The following CSMD3 variants were observed in gnomAD, a reference collection of about 807,000 sequenced individuals.
CSMD3 encodes CUB and sushi domain-containing protein 3.
CSMD3 carries 177 observed loss-of-function variants against 435.2 expected under a neutral mutation model. That is an observed-to-expected ratio of 0.41 (90% CI 0.36 to 0.46). The LOEUF (loss-of-function observed/expected upper bound fraction) is 0.46, where lower values mean the gene tolerates loss of function less well. CSMD3 is among the 20% of genes least tolerant of loss of function. The probability of loss-of-function intolerance (pLI) is 0.34; values close to 1 mark genes in which losing one functional copy is unlikely to be tolerated. For missense variants in CSMD3, 4,265 were observed against 4,504.6 expected (o/e 0.95, Z 1.52); for synonymous variants, 1,656 against 1,520.5 (o/e 1.09, Z -2.07).
At chr8:112,778,254 A>G (rs532378755) in intron 13 of CSMD3, among the ~76,000 whole-genome samples, 107 of 152,046 alleles carry the variant, frequency 7.0e-4, no homozygotes, top group Non-Finnish European at 1.2e-3. Flanking sequence ...ATTAGAATTC[A>G]GGCTTGGTGT....
chr8:113,059,611 G>A (rs896322988), intron 5 of CSMD3, among the ~76,000 whole-genome samples: 2 of 152,154 alleles, frequency 1.3e-5, no homozygotes, highest in Admixed American at 6.6e-5. Flanking sequence ...AATTTGAAAA[G>A]TGGCTTAAAT....
intron 13 of CSMD3, among the ~76,000 whole-genome samples, chr8:112,763,625 T>G (rs2077898925): frequency 6.7e-6 from 1 of 148,768 alleles, no homozygotes; most frequent in Non-Finnish European, 1.5e-5. Context: ...CTTCTATTTT[T>G]ATTCCTATGA....
intron 32 of CSMD3, among the ~76,000 whole-genome samples, chr8:112,418,334 C>T (rs996638599): frequency 6.6e-6 from 1 of 152,008 alleles, no homozygotes; most frequent in South Asian, 2.1e-4. Flanking sequence ...ATACATGTGT[C>T]GTATTTTCAT....
Position 112,263,632 on chromosome 8 carries a change from T to C in CSMD3, c.9862+7A>G, listed in dbSNP as rs765687145. ...AAGTAACAGTTGTTAGTAGAAATCA[T>C]ACTTACGTAAGCACTGCGGTACTTC... On this transcript the variant is annotated splice_region_variant and intron_variant, in intron 61 of 70. Coordinates refer to ENST00000297405, the MANE Select transcript of CSMD3 (RefSeq NM_198123.2). The C allele has an allele frequency of 2.5e-6, 4 of 1,612,448 alleles. No individual in the cohort carries two copies. The highest frequency in any genetic ancestry group is 1.1e-5 in the South Asian group (1 of 90,972).
intron 1 of CSMD3, among the ~76,000 whole-genome samples, chr8:113,369,470 T>A (rs1424939370): frequency 6.6e-6 from 1 of 152,004 alleles, no homozygotes; most frequent in African/African-American, 2.4e-5. Context: ...CGTAAGTCAG[T>A]ACAAATATTA....
intron 3 of CSMD3, among the ~76,000 whole-genome samples, chr8:113,253,414 T>G (rs1175354306): frequency 6.6e-6 from 1 of 152,012 alleles, no homozygotes; most frequent in Non-Finnish European, 1.5e-5. Flanking sequence ...GTGTGTGATG[T>G]TCCCCTTCCT....
chr8:112,694,881 C>T lies in CSMD3; in HGVS notation c.1973-4831G>A, dbSNP rs113074437. ...TCCAGTCTACAGCTCCCAGTGTGAG[C>T]GAAGCAGAAGACGGGTGATTTCTGC... is the stretch of plus-strand genomic sequence containing the variant. On this transcript the variant is annotated intron_variant, in intron 13 of 70. Coordinates refer to ENST00000297405, the MANE Select transcript of CSMD3 (RefSeq NM_198123.2). 5.9e-3 allele frequency among the ~76,000 whole-genome samples: 900 copies of T among 152,118 alleles called. 3 individuals carry two copies. The highest frequency in any genetic ancestry group is 0.019 in the African/African-American group (804 of 41,504).
chr8:112,253,000 CTG>C (rs1815425225), intron 63 of CSMD3, among the ~76,000 whole-genome samples: 1 of 151,706 alleles, frequency 6.6e-6, no homozygotes, highest in Non-Finnish European at 1.5e-5. Flanking sequence ...TGTTGGATGA[CTG>C]TTTTAAACTC....
chr8:112,493,248 T>C (rs1033098400), intron 30 of CSMD3, among the ~76,000 whole-genome samples: 21 of 152,286 alleles, frequency 1.4e-4, no homozygotes, highest in African/African-American at 4.8e-4. Flanking sequence ...TAGTCAAACA[T>C]AGGGTTTTAG....
chr8:112,404,712 A>C (rs2129978247), intron 35 of CSMD3, among the ~76,000 whole-genome samples: 1 of 152,178 alleles, frequency 6.6e-6, no homozygotes, highest in Non-Finnish European at 1.5e-5. Flanking sequence ...TGGCAAATAT[A>C]ATTTATTTTC....
At chr8:113,030,944 G>A (rs926484245) in intron 5 of CSMD3, among the ~76,000 whole-genome samples, 2 of 151,566 alleles carry the variant, frequency 1.3e-5, no homozygotes, top group African/African-American at 4.8e-5. Flanking sequence ...AAATCACAGT[G>A]AGATATTATG....
Position 113,302,873 on chromosome 8 carries a change from C to A in CSMD3, c.401+11698G>T, listed in dbSNP as rs576358757. On this transcript the variant is annotated intron_variant, in intron 2 of 70. Coordinates refer to ENST00000297405, the MANE Select transcript of CSMD3 (RefSeq NM_198123.2). ...CACAAGACAGGGATGCCCTCTCTCA[C>A]CGCTCCTATTCAACATAGTGTTGGA... Among the ~76,000 whole-genome samples, 8 of 144,796 alleles carry A rather than the reference C, an allele frequency of 5.5e-5. No individual in the cohort carries two copies. The South Asian group carries it at 1.9e-3, about 34-fold the overall frequency. 95.0% of individuals were successfully genotyped at this position (144,796 alleles called of 152,430 possible). A position where few individuals can be genotyped will look rare whatever the true frequency, so the allele number is the denominator to read the frequency against.
intron 27 of CSMD3, among the ~76,000 whole-genome samples, chr8:112,546,985 G>C (rs957395399): frequency 6.6e-6 from 1 of 152,132 alleles, no homozygotes; most frequent in Admixed American, 6.5e-5. Flanking sequence ...GGTGAAGACT[G>C]TTCTGCTACT....
intron 28 of CSMD3, among the ~76,000 whole-genome samples, chr8:112,515,161 G>T (rs1823541183): frequency 1.3e-5 from 2 of 151,792 alleles, no homozygotes; most frequent in Non-Finnish European, 2.9e-5. Context: ...GGATTTTAGT[G>T]TTATCTAGAA....
At chr8:113,186,346 T>C (rs1184951404) in intron 3 of CSMD3, among the ~76,000 whole-genome samples, 2 of 152,098 alleles carry the variant, frequency 1.3e-5, no homozygotes, top group East Asian at 3.9e-4. Flanking sequence ...AATTTTTCCA[T>C]CACTGATGGA....
Position 113,402,043 on chromosome 8 carries a change from A to G in CSMD3, c.178+34634T>C, listed in dbSNP as rs547476252. 3.8e-4 allele frequency among the ~76,000 whole-genome samples: 58 copies of G among 151,646 alleles called. 1 individual carries two copies. Among genetic ancestry groups the G allele is most frequent in the Admixed American group, 1.5e-3 (23 of 15,212 alleles). ...AAATGGTGCATGACTGTATATGTAA[A>G]TTCCTGTAAAGGTTTTTACTAAACA... On this transcript the variant is annotated intron_variant, in intron 1 of 70. Coordinates refer to ENST00000297405, the MANE Select transcript of CSMD3 (RefSeq NM_198123.2).
At chr8:112,263,123 T>C (rs1344001962) in intron 61 of CSMD3, among the ~76,000 whole-genome samples, 1 of 135,108 alleles carries the variant, frequency 7.4e-6, no homozygotes, top group Non-Finnish European at 1.6e-5. Flanking sequence ...GTATATAGTA[T>C]ACAGCAACCT....
chr8:112,910,593 T>G (rs1224575569), intron 10 of CSMD3, among the ~76,000 whole-genome samples: 1 of 151,854 alleles, frequency 6.6e-6, no homozygotes, highest in Non-Finnish European at 1.5e-5. Context: ...CCTAGGACTG[T>G]AATGTTACAA....
At chr8:112,341,455 C>A (rs1825107775) in intron 42 of CSMD3, 22 bp downstream of exon 42, 9 of 1,481,336 alleles carry the variant, frequency 6.1e-6, no homozygotes, top group Non-Finnish European at 8.5e-6. Flanking sequence ...TATAAATTTT[C>A]ATTTTTTATT....
Sources: gnomAD v4.1 joint callset for allele counts (sites outside exome capture counted in the v4.1 genomes callset) on GRCh38, gnomAD v4.1.1 for gene constraint, MANE v1.5 for transcripts, NCBI Gene and HGNC (gene_info 2026-07-23, HGNC 2026-07-21) for gene names.